GABRG3: variants seen among roughly 807,000 people sequenced by gnomAD.
The protein encoded by GABRG3 is gamma-aminobutyric acid type A receptor subunit gamma3, also known as gamma-aminobutyric acid receptor subunit gamma-3.
Under a neutral mutation model 48.8 loss-of-function variants are expected in GABRG3, and 25 were observed. That is an observed-to-expected ratio of 0.51 (90% confidence interval 0.37 to 0.72). The LOEUF (loss-of-function observed/expected upper bound fraction) is 0.72, where lower values mean the gene tolerates loss of function less well. Among genes scored for constraint, GABRG3 ranks in the 30% least tolerant of loss-of-function variants. GABRG3 has a pLI of 0.00. For missense variants in GABRG3, 394 were observed against 577.9 expected (o/e 0.68, Z 3.26); for synonymous variants, 227 against 217.6 (o/e 1.04, Z -0.38).
intron 3 of GABRG3, among the ~76,000 whole-genome samples, chr15:27,235,018 T>TG (rs1168657204): frequency 6.6e-6 from 1 of 152,106 alleles, no homozygotes; most frequent in East Asian, 1.9e-4. Flanking sequence ...GCTGAGGGCG[T>TG]GGGGGGCTGT....
At chr15:27,309,456 A>G (rs544747769) in intron 3 of GABRG3, among the ~76,000 whole-genome samples, 51 of 152,138 alleles carry the variant, frequency 3.4e-4, no homozygotes, top group Admixed American at 2.0e-3. Context: ...AGACATCTAC[A>G]TATAAAAAAT....
chr15:27,466,480 G>T (rs1020297739), intron 5 of GABRG3, among the ~76,000 whole-genome samples: 3 of 152,038 alleles, frequency 2.0e-5, no homozygotes, highest in African/African-American at 7.3e-5. Flanking sequence ...ATTTCTTATT[G>T]CACAGAAACA....
chr15:27,215,316 G>A (rs546600615), intron 3 of GABRG3, among the ~76,000 whole-genome samples: 115 of 152,274 alleles, frequency 7.6e-4, no homozygotes, highest in African/African-American at 2.6e-3. Context: ...TGGGTGCTCT[G>A]ACTTTGCTGC....
chr15:27,377,548 G>C (rs891820141), intron 5 of GABRG3, among the ~76,000 whole-genome samples: 1 of 152,192 alleles, frequency 6.6e-6, no homozygotes, highest in African/African-American at 2.4e-5. Flanking sequence ...AGAGAAGAGT[G>C]CTTGTGCGGG....
chr15:27,438,199 C>CA (rs1419311803), intron 5 of GABRG3, among the ~76,000 whole-genome samples: 2 of 152,170 alleles, frequency 1.3e-5, no homozygotes, highest in African/African-American at 4.8e-5. Flanking sequence ...AGCCAGGTTC[C>CA]ACTCTCCTGA....
intron 3 of GABRG3, among the ~76,000 whole-genome samples, chr15:27,323,813 C>T (rs1893513179): frequency 6.6e-6 from 1 of 152,202 alleles, no homozygotes; most frequent in African/African-American, 2.4e-5. Flanking sequence ...ACGGGCTCCT[C>T]TGACAAACTG....
chr15:27,292,285 G>A (rs1350170617), intron 3 of GABRG3, among the ~76,000 whole-genome samples: 2 of 151,484 alleles, frequency 1.3e-5, no homozygotes, highest in Non-Finnish European at 2.9e-5. Context: ...GTCGGGGGGT[G>A]GGGGGCTAGG....
At chr15:27,024,309 TATAGTCAAATTCA>T (rs1348641668) in intron 2 of GABRG3, among the ~76,000 whole-genome samples, 1 of 152,222 alleles carries the variant, frequency 6.6e-6, no homozygotes, top group Non-Finnish European at 1.5e-5. Context: ...TAAATTTTGT[TATAGTCAAATTCA>T]TTTATTTTTC....
intron 5 of GABRG3, among the ~76,000 whole-genome samples, chr15:27,330,874 A>C (rs1595682190): frequency 6.6e-6 from 1 of 152,262 alleles, no homozygotes; most frequent in East Asian, 1.9e-4. Context: ...GGGTGGTCAG[A>C]GTGAATGTAG....
chr15:27,436,993 AAT>A (rs1566840363), intron 5 of GABRG3, among the ~76,000 whole-genome samples: 1 of 76,232 alleles, frequency 1.3e-5, no homozygotes, highest in African/African-American at 6.7e-5. Context: ...TTCTCCGAAA[AAT>A]AGAGAGAGAG....
chr15:27,509,170 G>A (rs1225974252), intron 6 of GABRG3, among the ~76,000 whole-genome samples: 2 of 152,184 alleles, frequency 1.3e-5, no homozygotes, highest in Non-Finnish European at 2.9e-5. Flanking sequence ...GATTTCTGAA[G>A]AGAAGTCTGC....
At chr15:27,072,178 G>A (rs982061344) in intron 3 of GABRG3, among the ~76,000 whole-genome samples, 7 of 152,096 alleles carry the variant, frequency 4.6e-5, no homozygotes, top group Admixed American at 2.0e-4. Context: ...CTCCTTGTGA[G>A]TCTTCTCATG....
intron 3 of GABRG3, among the ~76,000 whole-genome samples, chr15:27,094,342 C>T (rs1177106689): frequency 2.0e-5 from 3 of 152,184 alleles, no homozygotes; most frequent in Non-Finnish European, 2.9e-5. Flanking sequence ...CAGATGAGGA[C>T]TATCAGGCTC....
intron 3 of GABRG3, among the ~76,000 whole-genome samples, chr15:27,208,894 C>T (rs1408514513): frequency 6.6e-6 from 1 of 152,150 alleles, no homozygotes; most frequent in African/African-American, 2.4e-5. Context: ...TTGGAGGACA[C>T]TACAGAGCAA....
intron 7 of GABRG3, among the ~76,000 whole-genome samples, chr15:27,526,701 T>A (rs981664255): frequency 1.3e-5 from 2 of 152,222 alleles, no homozygotes; most frequent in Non-Finnish European, 2.9e-5. Flanking sequence ...CATCCAGTGT[T>A]GACCCATGCA....
chr15:27,532,479 A>C, intron 9 of GABRG3, 121 bp from the exon 10 acceptor site: 2 of 744,028 alleles, frequency 2.7e-6, no homozygotes, highest in Admixed American at 3.2e-5. Flanking sequence ...GGGGAAGGGC[A>C]CACCCACGCA....
Position 27,414,060 on chromosome 15 carries a change from A to C in GABRG3, c.575-66590A>C, listed in dbSNP as rs143552371. ...TAATTGTGAAGGAATTGTAGATTTC[A>C]GTGCTTATGTGGAATTATTGATTCA... On this transcript the variant is annotated intron_variant, in intron 5 of 9. Coordinates refer to ENST00000615808, the MANE Select transcript of GABRG3 (RefSeq NM_033223.5). 5.6e-3 allele frequency among the ~76,000 whole-genome samples: 847 copies of C among 152,324 alleles called. 10 individuals are homozygous for C. The highest frequency in any genetic ancestry group is 0.019 in the African/African-American group (803 of 41,568).
At chr15:27,493,841 G>A (rs1023175273) in intron 6 of GABRG3, among the ~76,000 whole-genome samples, 4 of 152,060 alleles carry the variant, frequency 2.6e-5, no homozygotes, top group Admixed American at 6.6e-5. Context: ...TATTTGTTGC[G>A]GTGAAAGAAC....
At chr15:27,094,570 G>T (rs1897242389) in intron 3 of GABRG3, among the ~76,000 whole-genome samples, 1 of 152,156 alleles carries the variant, frequency 6.6e-6, no homozygotes, top group African/African-American at 2.4e-5. Flanking sequence ...CTGGGGCTCA[G>T]GAAACATAAA....
Sources: allele counts gnomAD v4.1 joint callset (sites outside exome capture counted in the v4.1 genomes callset), GRCh38; gene constraint gnomAD v4.1.1; transcripts MANE v1.5; gene names NCBI Gene and HGNC (gene_info 2026-07-23, HGNC 2026-07-21).